The following DCC variants were observed in gnomAD, a reference collection of about 807,000 sequenced individuals.
DCC encodes DCC netrin 1 receptor.
In DCC, 58 loss-of-function variants were observed where a neutral mutation model predicts 172.5. The ratio of observed to expected loss-of-function variants is 0.34; its 90% CI spans 0.27 to 0.42. The LOEUF (loss-of-function observed/expected upper bound fraction) is 0.42. Ranked by LOEUF, DCC falls within the 10% of genes least tolerant of loss-of-function variation. DCC has a pLI of 1.00. For synonymous variants in DCC, 709 were observed against 644.5 expected (o/e 1.10, Z -1.52); for missense variants, 1,740 against 1,791.0 (o/e 0.97, Z 0.51).
chr18:53,105,930 C>T (rs547506763), intron 7 of DCC, among the ~76,000 whole-genome samples: 13 of 151,058 alleles, frequency 8.6e-5, no homozygotes, highest in Non-Finnish European at 1.3e-4. Flanking sequence ...TTTGTCTGTT[C>T]GCCTTCTTTC....
chr18:53,054,464 A>G (rs58696550), intron 5 of DCC, among the ~76,000 whole-genome samples: 2,077 of 152,236 alleles, frequency 0.014, 41 homozygotes, highest in African/African-American at 0.047. Flanking sequence ...TCCAGCCACT[A>G]TATTAACAAA....
chr18:53,056,867 A>C (rs894086222), intron 5 of DCC, among the ~76,000 whole-genome samples: 3 of 151,892 alleles, frequency 2.0e-5, no homozygotes, highest in Admixed American at 2.0e-4. Context: ...TGTGCTGCCT[A>C]TTGTTAATTT....
intron 1 of DCC, among the ~76,000 whole-genome samples, chr18:52,392,925 G>A (rs1343864166): frequency 1.3e-5 from 2 of 151,994 alleles, no homozygotes. Flanking sequence ...TGTCCCTTTA[G>A]GATCTTCTTC....
intron 21 of DCC, among the ~76,000 whole-genome samples, chr18:53,417,785 G>A (rs901206010): frequency 5.3e-5 from 8 of 151,986 alleles, no homozygotes; most frequent in Admixed American, 2.0e-4. Context: ...TTCTCTCTGG[G>A]TACTATTATA....
chr18:52,585,937 G>T (rs2033661018), intron 1 of DCC, among the ~76,000 whole-genome samples: 1 of 151,930 alleles, frequency 6.6e-6, no homozygotes, highest in Non-Finnish European at 1.5e-5. Flanking sequence ...CAAAAAATTA[G>T]CTGGGAGTCT....
chr18:53,125,523 C>T (rs2043542936), intron 7 of DCC, among the ~76,000 whole-genome samples: 2 of 152,084 alleles, frequency 1.3e-5, no homozygotes, highest in Admixed American at 6.6e-5. Flanking sequence ...TATTGGTACT[C>T]ATCTTATAGG....
rs777902051 is a variant in DCC, at chr18:53,459,285, G to A, written c.3446G>A (p.Arg1149Gln). The A allele has an allele frequency of 1.9e-5, 31 of 1,613,920 alleles. No homozygotes were observed. The highest frequency in any genetic ancestry group is 5.3e-5 in the African/African-American group (4 of 74,890). The change falls in exon 24 of 29, where the codon CGA becomes CAA. Residue 1149 changes from arginine to glutamine, a missense_variant. Around this residue, in one of 2 missense-constraint regions of DCC, gnomAD observed 1,732 missense variants for 1,767.4 expected, o/e 0.98. Coordinates refer to ENST00000442544, the MANE Select transcript of DCC (RefSeq NM_005215.4). Reference protein sequence around the residue: ...GKRKGSQKDLRPPDLWIHHEE... With the variant: ...GKRKGSQKDLQPPDLWIHHEE... ...AGGAAGGGCAGCCAGAAGGACCTCC[G>A]ACCCCCTGATCTTTGGATCCATCAT... is the stretch of plus-strand genomic sequence containing the variant.
intron 14 of DCC, among the ~76,000 whole-genome samples, chr18:53,338,884 T>C (rs911187355): frequency 3.9e-5 from 6 of 152,212 alleles, no homozygotes; most frequent in African/African-American, 1.4e-4. Flanking sequence ...ACCTTCATTC[T>C]ACAGGTAGGG....
intron 1 of DCC, among the ~76,000 whole-genome samples, chr18:52,479,178 C>T (rs1989181573): frequency 6.6e-6 from 1 of 152,150 alleles, no homozygotes; most frequent in South Asian, 2.1e-4. Context: ...GCAACTGGCT[C>T]ATTGTAAAGG....
chr18:53,460,347 C>T (rs1367579120), intron 24 of DCC, among the ~76,000 whole-genome samples: 12 of 128,188 alleles, frequency 9.4e-5, no homozygotes, highest in African/African-American at 1.2e-4. Context: ...TAGATATATA[C>T]GTATACATGT....
At chr18:52,970,432 C>G (rs1302038538) in intron 5 of DCC, among the ~76,000 whole-genome samples, 10 of 151,942 alleles carry the variant, frequency 6.6e-5, no homozygotes, top group Admixed American at 5.9e-4. Context: ...TTCCAAAACT[C>G]AAAATTATCA....
chr18:52,510,706 T>C (rs2031404689), intron 1 of DCC, among the ~76,000 whole-genome samples: 2 of 152,186 alleles, frequency 1.3e-5, no homozygotes, highest in Admixed American at 6.5e-5. Flanking sequence ...AAACATCTTT[T>C]TGTGCCCTTA....
chr18:52,628,228 T>C (rs898282161), intron 1 of DCC, among the ~76,000 whole-genome samples: 10 of 152,192 alleles, frequency 6.6e-5, no homozygotes, highest in African/African-American at 2.4e-4. Context: ...TCTTCAAAAC[T>C]GTTTGCCTTT....
chr18:52,412,594 C>A (rs866566637), intron 1 of DCC, among the ~76,000 whole-genome samples: 10 of 151,982 alleles, frequency 6.6e-5, no homozygotes, highest in Middle Eastern at 3.2e-3. Context: ...TAACTGTGAT[C>A]AGTATTAAGT....
At chr18:52,579,155 G>A (rs558067489) in intron 1 of DCC, among the ~76,000 whole-genome samples, 3 of 152,244 alleles carry the variant, frequency 2.0e-5, no homozygotes, top group South Asian at 4.1e-4. Context: ...AGAATAAATT[G>A]ATTTTTTGAT....
At chr18:53,310,821 A>G (rs2057256803) in intron 13 of DCC, among the ~76,000 whole-genome samples, 1 of 152,188 alleles carries the variant, frequency 6.6e-6, no homozygotes, top group African/African-American at 2.4e-5. Flanking sequence ...AGAAGTTCTA[A>G]AAATTAGAAA....
At chr18:53,148,865 C>CTTTTTTTTTTTTT (rs5824990) in intron 7 of DCC, among the ~76,000 whole-genome samples, 12 of 109,804 alleles carry the variant, frequency 1.1e-4, no homozygotes, top group African/African-American at 3.0e-4. Context: ...TTCCCAATGC[C>CTTTTTTTTTTTTT]TTTTTTTTTT....
At chr18:52,878,017 T>C (rs2039427785) in intron 2 of DCC, among the ~76,000 whole-genome samples, 1 of 152,084 alleles carries the variant, frequency 6.6e-6, no homozygotes, top group Non-Finnish European at 1.5e-5. Context: ...GGGCTAAATA[T>C]AAACTCTCTT....
intron 8 of DCC, among the ~76,000 whole-genome samples, chr18:53,172,414 A>T (rs1353457396): frequency 1.3e-5 from 2 of 151,956 alleles, no homozygotes; most frequent in Admixed American, 6.6e-5. Context: ...AAACCACAGC[A>T]TCACACAATA....
Sources: allele counts gnomAD v4.1 joint callset (sites outside exome capture counted in the v4.1 genomes callset), GRCh38; gene constraint gnomAD v4.1.1; regional missense constraint gnomAD v4.1.1; transcripts MANE v1.5; gene names NCBI Gene and HGNC (gene_info 2026-07-23, HGNC 2026-07-21).